The following TTLL11 variants were observed in gnomAD, a reference collection of about 807,000 sequenced individuals.
TTLL11 encodes tubulin polyglutamylase TTLL11.
TTLL11 carries 42 observed loss-of-function variants against 51.7 expected under a neutral mutation model. The observed-to-expected ratio is 0.81, with a 90% CI of 0.64 to 1.05. TTLL11 has a LOEUF of 1.05. Among genes scored for constraint, TTLL11 ranks in the 50% least tolerant of loss-of-function variants. The pLI is 0.00. For synonymous variants in TTLL11, 381 were observed against 383.5 expected (o/e 0.99, Z 0.08); for missense variants, 799 against 940.4 (o/e 0.85, Z 1.97).
At chr9:121,833,301 C>A (rs565405264) in intron 8 of TTLL11, among the ~76,000 whole-genome samples, 1 of 152,322 alleles carries the variant, frequency 6.6e-6, no homozygotes, top group African/African-American at 2.4e-5. Context: ...CGGCCCCTGA[C>A]AAACGATGGC....
intron 2 of TTLL11, among the ~76,000 whole-genome samples, chr9:122,034,469 AG>A (rs1233809815): frequency 1.3e-5 from 2 of 152,238 alleles, no homozygotes; most frequent in African/African-American, 4.8e-5. Context: ...TCCTGCCTGC[AG>A]GCCGGAGGCA....
intron 1 of TTLL11, among the ~76,000 whole-genome samples, chr9:122,052,004 C>A (rs1301543401): frequency 6.6e-6 from 1 of 151,972 alleles, no homozygotes; most frequent in Non-Finnish European, 1.5e-5. Context: ...AAGCAACTGC[C>A]CTTCAAGAGT....
At chr9:121,988,585 C>T (rs762010645) in intron 4 of TTLL11, among the ~76,000 whole-genome samples, 8 of 152,186 alleles carry the variant, frequency 5.3e-5, no homozygotes, top group African/African-American at 1.4e-4. Flanking sequence ...ATCTAACTCT[C>T]GCTCCAGGTT....
intron 6 of TTLL11, among the ~76,000 whole-genome samples, chr9:121,878,576 A>G (rs1838656767): frequency 6.6e-6 from 1 of 152,150 alleles, no homozygotes; most frequent in Admixed American, 6.5e-5. Context: ...GCATTAACTG[A>G]AGGACAAGCA....
intron 6 of TTLL11, among the ~76,000 whole-genome samples, chr9:121,955,366 T>C (rs1169056424): frequency 6.6e-6 from 1 of 152,208 alleles, no homozygotes; most frequent in African/African-American, 2.4e-5. Context: ...TAAATGGCAA[T>C]AGGCTCAACA....
rs2119095788 is a variant in TTLL11 at position 121,819,676 on chromosome 9, C to T, written c.*2911G>A. Among the ~76,000 whole-genome samples, 1 of 152,138 alleles carries T rather than the reference C, an allele frequency of 6.6e-6. No individual in the cohort carries two copies. Among genetic ancestry groups the T allele is most frequent in the Admixed American group, 6.5e-5 (1 of 15,292 alleles). ...CCTGAGGGCGCTTGCAGGGATGGGGCTTATCCTGCAGCAAAGCACAGGGGC... is the reference window on the plus strand; with the variant it reads ...CCTGAGGGCGCTTGCAGGGATGGGGTTTATCCTGCAGCAAAGCACAGGGGC... On this transcript the variant is annotated 3_prime_UTR_variant, in exon 9 of 9. Coordinates refer to ENST00000321582, the MANE Select transcript of TTLL11 (RefSeq NM_001139442.2).
chr9:121,865,082 C>T (rs1017414504), intron 7 of TTLL11, among the ~76,000 whole-genome samples: 7 of 152,034 alleles, frequency 4.6e-5, no homozygotes, highest in African/African-American at 9.7e-5. Flanking sequence ...TGTATGACTT[C>T]GAAAGGCCAT....
intron 6 of TTLL11, among the ~76,000 whole-genome samples, chr9:121,892,361 A>G (rs1214517811): frequency 1.3e-5 from 2 of 152,068 alleles, no homozygotes; most frequent in Admixed American, 6.5e-5. Flanking sequence ...TGGACTCACA[A>G]TTCCACATGG....
intron 6 of TTLL11, among the ~76,000 whole-genome samples, chr9:121,899,365 G>GTGTGTATA (rs1226221957): frequency 4.4e-5 from 5 of 113,238 alleles, no homozygotes; most frequent in African/African-American, 6.6e-5. Context: ...ATGTGTGTGT[G>GTGTGTATA]TATATATATA....
At chr9:121,839,917 G>A (rs1392965629) in intron 8 of TTLL11, among the ~76,000 whole-genome samples, 3 of 152,228 alleles carry the variant, frequency 2.0e-5, no homozygotes, top group Admixed American at 2.0e-4. Flanking sequence ...AGCGGTGACA[G>A]GAGGCAGATC....
At chr9:122,048,614 C>A (rs1417378148) in intron 1 of TTLL11, among the ~76,000 whole-genome samples, 1 of 152,218 alleles carries the variant, frequency 6.6e-6, no homozygotes, top group African/African-American at 2.4e-5. Flanking sequence ...GCCAACCTGC[C>A]CACCTCAAGT....
intron 3 of TTLL11, among the ~76,000 whole-genome samples, chr9:122,000,846 C>A (rs1237560024): frequency 6.6e-6 from 1 of 152,164 alleles, no homozygotes; most frequent in Non-Finnish European, 1.5e-5. Context: ...GCACGAGATA[C>A]AAGAACCCTC....
chr9:121,908,628 ATTTG>A (rs1291510126), intron 6 of TTLL11, among the ~76,000 whole-genome samples: 2 of 152,194 alleles, frequency 1.3e-5, no homozygotes, highest in Non-Finnish European at 2.9e-5. Flanking sequence ...TCATCTCTTC[ATTTG>A]TTTGTCCATC....
chr9:122,018,336 T>C (rs1844056714), intron 3 of TTLL11, among the ~76,000 whole-genome samples: 1 of 151,870 alleles, frequency 6.6e-6, no homozygotes, highest in Non-Finnish European at 1.5e-5. Context: ...GTGGTCTCAA[T>C]CTCCTGACTT....
chr9:121,931,336 T>C (rs1040032249), intron 6 of TTLL11, among the ~76,000 whole-genome samples: 8 of 152,204 alleles, frequency 5.3e-5, no homozygotes, highest in African/African-American at 1.9e-4. Flanking sequence ...GCTAAGTGGC[T>C]GCAAGGTTAA....
chr9:121,907,450 C>CA (rs5900502), intron 6 of TTLL11, among the ~76,000 whole-genome samples: 3,522 of 118,492 alleles, frequency 0.03, 57 homozygotes, highest in African/African-American at 0.045. Context: ...AACTCTGTCT[C>CA]AAAAAAAAAA....
At chr9:121,905,184 G>A (rs1452238564) in intron 6 of TTLL11, among the ~76,000 whole-genome samples, 1 of 151,982 alleles carries the variant, frequency 6.6e-6, no homozygotes, top group Non-Finnish European at 1.5e-5. Flanking sequence ...GAAAAATATA[G>A]AACTATATAG....
chr9:121,827,969 G>A (rs12353254), intron 8 of TTLL11, among the ~76,000 whole-genome samples: 5,042 of 152,206 alleles, frequency 0.033, 194 homozygotes, highest in African/African-American at 0.096. Context: ...AATGGTTGAC[G>A]TTCTGCCAGG....
chr9:122,004,755 C>A (rs4836874), intron 3 of TTLL11, among the ~76,000 whole-genome samples: 10,867 of 152,282 alleles, frequency 0.071, 776 homozygotes, highest in African/African-American at 0.16. Flanking sequence ...GTCTGGCCAG[C>A]CCCAGGGCCC....
Sources: allele counts gnomAD v4.1 joint callset (sites outside exome capture counted in the v4.1 genomes callset), GRCh38; gene constraint gnomAD v4.1.1; transcripts MANE v1.5; gene names NCBI Gene and HGNC (gene_info 2026-07-23, HGNC 2026-07-21).